The following RGS8 variants were observed in gnomAD, a reference collection of about 807,000 sequenced individuals.
The protein encoded by RGS8 is regulator of G-protein signaling 8.
RGS8 carries 8 observed loss-of-function variants against 21.7 expected under a neutral mutation model. The observed-to-expected ratio is 0.37, with a 90% CI of 0.22 to 0.66. The LOEUF (loss-of-function observed/expected upper bound fraction) is 0.66, where lower values mean the gene tolerates loss of function less well. Ranked by LOEUF, RGS8 falls within the 30% of genes least tolerant of loss-of-function variation. The pLI is 0.59. For synonymous variants in RGS8, 80 were observed against 83.6 expected, an observed-to-expected ratio of 0.96 and a Z score of 0.24; for missense variants, 157 against 217.9, an observed-to-expected ratio of 0.72 and a Z score of 1.76.
chr1:182,687,703 C>T (rs1664738850), upstream of RGS8, among the ~76,000 whole-genome samples: 1 of 152,196 alleles, frequency 6.6e-6, no homozygotes, highest in Non-Finnish European at 1.5e-5. Flanking sequence ...TTTGTACCTC[C>T]AGCACCAAGT....
intron 5 of RGS8, among the ~76,000 whole-genome samples, chr1:182,663,152 A>G (rs1049357925): frequency 2.6e-5 from 4 of 152,036 alleles, no homozygotes; most frequent in Non-Finnish European, 5.9e-5. Flanking sequence ...ACCTCTGATC[A>G]ACACTGCCCC....
chr1:182,662,712 C>T (rs1020301569), intron 5 of RGS8, among the ~76,000 whole-genome samples: 9 of 152,138 alleles, frequency 5.9e-5, no homozygotes, highest in Middle Eastern at 3.2e-3. Context: ...GGCCACCCAG[C>T]GTGTAGTCAG....
At chr1:182,664,626 C>T (rs918414041) in intron 5 of RGS8, among the ~76,000 whole-genome samples, 1 of 152,154 alleles carries the variant, frequency 6.6e-6, no homozygotes, top group Non-Finnish European at 1.5e-5. Flanking sequence ...TACTGCAAAT[C>T]CTAAATATTA....
intron 3 of RGS8, among the ~76,000 whole-genome samples, chr1:182,669,205 G>C (rs945283900): frequency 3.3e-5 from 5 of 152,234 alleles, no homozygotes; most frequent in Non-Finnish European, 7.3e-5. Flanking sequence ...AGCTAGGTCT[G>C]AAATAATGAG....
At chr1:182,697,436 C>T in the RGS8 span, among the ~76,000 whole-genome samples, 2 of 152,236 alleles carry the variant, frequency 1.3e-5, no homozygotes, top group Non-Finnish European at 2.9e-5. Flanking sequence ...ATTCAGACCC[C>T]ATCCATGAAT....
At chr1:182,676,221 T>C (rs76877722), upstream of RGS8, among the ~76,000 whole-genome samples, 865 of 152,248 alleles carry the variant, frequency 5.7e-3, 6 homozygotes, top group Middle Eastern at 0.017. Context: ...ATAAAGGGAG[T>C]TTAAATTTGC....
the RGS8 span, among the ~76,000 whole-genome samples, chr1:182,690,648 C>T: frequency 0.033 from 4,987 of 152,268 alleles, 118 homozygotes; most frequent in Non-Finnish European, 0.044. Context: ...CTTCTGGTCT[C>T]ATCTGAAATA....
At chr1:182,665,219 T>C (rs1571335014) in intron 5 of RGS8, among the ~76,000 whole-genome samples, 1 of 152,314 alleles carries the variant, frequency 6.6e-6, no homozygotes, top group East Asian at 1.9e-4. Context: ...AACCCTGCTC[T>C]GCCTTGCCCA....
At chr1:182,741,898 T>C in the RGS8 span, among the ~76,000 whole-genome samples, 1 of 138,380 alleles carries the variant, frequency 7.2e-6, no homozygotes, top group Non-Finnish European at 1.6e-5. Flanking sequence ...CCCACCTCCC[T>C]CCCGGAGGAG....
At chr1:182,674,417 G>A (rs185491258), upstream of RGS8, among the ~76,000 whole-genome samples, 120 of 152,340 alleles carry the variant, frequency 7.9e-4, no homozygotes, top group Middle Eastern at 3.4e-3. Flanking sequence ...GGACAAAAGT[G>A]TGTGGACATG....
chr1:182,673,056 C>T, upstream of RGS8: 1 of 587,838 alleles, frequency 1.7e-6, no homozygotes, highest in Non-Finnish European at 3.0e-6. Context: ...CAAACCGCTG[C>T]CCTGGGAGAA....
chr1:182,723,031 C>T, the RGS8 span, among the ~76,000 whole-genome samples: 2 of 151,736 alleles, frequency 1.3e-5, no homozygotes, highest in Non-Finnish European at 1.5e-5. Context: ...AATAAAGATG[C>T]CAGTCACTGG....
chr1:182,643,333 C>CCCCCCCCCCG (rs1320966882), downstream of RGS8: 23 of 126,412 alleles, frequency 1.8e-4, no homozygotes, highest in African/African-American at 7.2e-4. Context: ...GCCCCCCCGC[C>CCCCCCCCCCG]CCCGCGCTGT....
chr1:182,673,078 T>C (rs1049428802), upstream of RGS8: 3 of 580,636 alleles, frequency 5.2e-6, no homozygotes, highest in Non-Finnish European at 9.2e-6. Flanking sequence ...GCTTGTCTTC[T>C]CGTTATGCTC....
chr1:182,730,129 C>T, the RGS8 span, among the ~76,000 whole-genome samples: 5 of 152,146 alleles, frequency 3.3e-5, no homozygotes, highest in Non-Finnish European at 1.5e-5. Context: ...CCCAACCTTC[C>T]TTTTCATATC....
intron 2 of RGS8, 135 bp downstream of exon 3, chr1:182,671,522 G>A: frequency 1.4e-6 from 1 of 716,768 alleles, no homozygotes; most frequent in East Asian, 2.6e-5. Context: ...TACAAAGAGG[G>A]GGAGAGAAAC....
upstream of RGS8, chr1:182,672,713 C>T: frequency 1.5e-6 from 2 of 1,365,890 alleles, no homozygotes; most frequent in Non-Finnish European, 2.1e-6. Flanking sequence ...CTTCCCCCTA[C>T]TTGCATTTGT....
chr1:182,737,949 C>T, the RGS8 span, among the ~76,000 whole-genome samples: 1 of 152,170 alleles, frequency 6.6e-6, no homozygotes, highest in East Asian at 1.9e-4. Context: ...CCAATTGAAG[C>T]CCTGATTGCA....
At chr1:182,651,933 C>T (rs150273600) in intron 5 of RGS8, among the ~76,000 whole-genome samples, 2 of 152,330 alleles carry the variant, frequency 1.3e-5, no homozygotes, top group East Asian at 1.9e-4. Context: ...TGAGCAGTGA[C>T]CAGTCCACGA....
Sources: allele counts gnomAD v4.1 joint callset (sites outside exome capture counted in the v4.1 genomes callset), GRCh38; gene constraint gnomAD v4.1.1; transcripts MANE v1.5; gene names NCBI Gene and HGNC (gene_info 2026-07-23, HGNC 2026-07-21).